Variants in AMN1 observed in about 807,000 individuals in gnomAD.
AMN1 encodes antagonist of mitotic exit network 1 homolog.
AMN1 carries 20 observed loss-of-function variants against 33.0 expected under a neutral mutation model. The observed-to-expected ratio is 0.61, with a 90% CI of 0.43 to 0.88. The LOEUF (loss-of-function observed/expected upper bound fraction) is 0.88, where lower values mean the gene tolerates loss of function less well. Ranked by LOEUF, AMN1 falls within the 40% of genes least tolerant of loss-of-function variation. AMN1 has a pLI of 0.00. For missense variants in AMN1, 246 were observed against 307.4 expected (o/e 0.80, Z 1.49); for synonymous variants, 114 against 111.9 (o/e 1.02, Z -0.12).
At position 31,672,320 on chromosome 12, in the gene AMN1, G is replaced by A; in HGVS notation, c.761C>T (p.Thr254Ile). The change falls in exon 7 of 7, where the codon ACA becomes ATA. Residue 254 changes from threonine (T) to isoleucine (I), a missense_variant. Coordinates refer to ENST00000281471, the MANE Select transcript of AMN1 (RefSeq NM_001113402.2). ...LVGPNKLKQV[T>I]WTVY ...AAAAAAGCATCAATAAACAGTCCAT[G>A]TCACTTGCTTTAGTTTGTTTGGGCC... 1 of 1,576,798 alleles carries A rather than the reference G, an allele frequency of 6.3e-7. No individual in the cohort carries two copies. The highest frequency in any genetic ancestry group is 1.8e-5 in the Admixed American group (1 of 55,424).
Position 31,700,034 on chromosome 12 carries a change from G to A in AMN1, c.316+1829C>T, listed in dbSNP as rs111392786. On this transcript the variant is annotated intron_variant, in intron 3 of 6. Transcript: ENST00000281471. ...TATGTAAACATATTAAAACTTATGC[G>A]TGTTTGCAATATTATGAATATCCTA... Among the ~76,000 whole-genome samples the A allele has an allele frequency of 6.6e-4, 101 of 152,092 alleles. 1 individual carries two copies. The highest frequency in any genetic ancestry group is 2.1e-3 in the African/African-American group (85 of 41,458).
intron 1 of AMN1, among the ~76,000 whole-genome samples, chr12:31,725,674 CTCT>C (rs1476353643): frequency 6.6e-6 from 1 of 152,056 alleles, no homozygotes; most frequent in Admixed American, 6.6e-5. Context: ...TCCTTGATCT[CTCT>C]TCATTTTATT....
chr12:31,675,737 T>C (rs1951375135), intron 6 of AMN1, among the ~76,000 whole-genome samples: 1 of 151,690 alleles, frequency 6.6e-6, no homozygotes, highest in South Asian at 2.1e-4. Context: ...CTCAGCAGTT[T>C]GAGACCTGAT....
intron 1 of AMN1, among the ~76,000 whole-genome samples, chr12:31,718,957 A>C (rs1939781930): frequency 6.6e-6 from 1 of 152,254 alleles, no homozygotes; most frequent in South Asian, 2.1e-4. Flanking sequence ...CTGCTGCGCT[A>C]GCAGCGAGCA....
intron 2 of AMN1, among the ~76,000 whole-genome samples, chr12:31,707,768 G>A (rs1939303891): frequency 6.6e-6 from 1 of 152,168 alleles, no homozygotes; most frequent in South Asian, 2.1e-4. Context: ...CACAAGAGAA[G>A]TAACTGAGAC....
intron 6 of AMN1, among the ~76,000 whole-genome samples, chr12:31,684,720 C>G (rs11051531): frequency 2.0e-5 from 3 of 152,132 alleles, no homozygotes; most frequent in Non-Finnish European, 4.4e-5. Context: ...ATCCACCTGC[C>G]TTGGCCTCGC....
At chr12:31,693,429 T>C (rs1012523406) in intron 5 of AMN1, among the ~76,000 whole-genome samples, 1 of 152,154 alleles carries the variant, frequency 6.6e-6, no homozygotes, top group Non-Finnish European at 1.5e-5. Context: ...TTTCTCCATG[T>C]TGGTCAGGCT....
Position 31,680,858 on chromosome 12 carries a change from G to A in AMN1, c.703+8149C>T, listed in dbSNP as rs372388302. Among the ~76,000 whole-genome samples, 21 of 152,146 alleles carry A rather than the reference G, an allele frequency of 1.4e-4. No homozygotes were observed. In the South Asian group the frequency reaches 4.1e-3, roughly 30 times the overall value. On this transcript the variant is annotated intron_variant, in intron 6 of 6. Transcript: ENST00000281471. ...GAGCAACCATATGAATATATAAGAGGAATCATGTTATATAAGGTGTCACGA... is the reference window on the plus strand; with the variant it reads ...GAGCAACCATATGAATATATAAGAGAAATCATGTTATATAAGGTGTCACGA...
chr12:31,692,836 T>G (rs1938561482), intron 5 of AMN1, among the ~76,000 whole-genome samples: 1 of 152,156 alleles, frequency 6.6e-6, no homozygotes, highest in Admixed American at 6.6e-5. Flanking sequence ...TACAGCAAAT[T>G]AAATTTTAAT....
intron 3 of AMN1, among the ~76,000 whole-genome samples, chr12:31,699,812 T>G (rs1052279244): frequency 6.6e-6 from 1 of 152,132 alleles, no homozygotes; most frequent in Non-Finnish European, 1.5e-5. Flanking sequence ...GACTGAGCCC[T>G]TAACTTGTGG....
chr12:31,710,873 C>T (rs1253394319), intron 1 of AMN1, among the ~76,000 whole-genome samples: 1 of 152,108 alleles, frequency 6.6e-6, no homozygotes, highest in Admixed American at 6.6e-5. Flanking sequence ...CAGAAAGCTC[C>T]TTTCCCTCTA....
chr12:31,680,843 A>G (rs923689049), intron 6 of AMN1, among the ~76,000 whole-genome samples: 2 of 152,214 alleles, frequency 1.3e-5, no homozygotes, highest in African/African-American at 4.8e-5. Context: ...GAGCAACCAT[A>G]TGAATATATA....
At chr12:31,685,231 G>A (rs1466249506) in intron 6 of AMN1, among the ~76,000 whole-genome samples, 1 of 151,890 alleles carries the variant, frequency 6.6e-6, no homozygotes, top group African/African-American at 2.4e-5. Context: ...GTTTCACCAT[G>A]TTGGCCAGGT....
chr12:31,672,430 GTTTCC>G, intron 6 of AMN1, 53 bp from the exon 7 acceptor site: 1 of 1,233,694 alleles, frequency 8.1e-7, no homozygotes, highest in Non-Finnish European at 1.2e-6. Context: ...AATGTTTAAT[GTTTCC>G]TCATGTCTAA....
At chr12:31,672,924 A>C (rs996442254) in intron 6 of AMN1, 7 of 153,502 alleles carry the variant, frequency 4.6e-5, no homozygotes, top group African/African-American at 1.4e-4. Flanking sequence ...TGTCTGTATA[A>C]TACTACTATA....
intron 2 of AMN1, among the ~76,000 whole-genome samples, chr12:31,702,881 C>T (rs1201795439): frequency 6.6e-6 from 1 of 152,154 alleles, no homozygotes; most frequent in Non-Finnish European, 1.5e-5. Context: ...GGATTACAGG[C>T]ATGCACCACC....
chr12:31,684,751 G>A lies in AMN1; in HGVS notation c.703+4256C>T, dbSNP rs780478872. Among the ~76,000 whole-genome samples the A allele has an allele frequency of 2.0e-5, 3 of 152,258 alleles. No individual in the cohort carries two copies. In the South Asian group the frequency reaches 6.2e-4, roughly 32 times the overall value. On this transcript the variant is annotated intron_variant, in intron 6 of 6. Transcript: ENST00000281471. ...CTCGCAAAGTGCTGGGATTACCGGC[G>A]TGAGCCACCGCGCCCGGCCTGGGAT... is the stretch of plus-strand genomic sequence containing the variant.
intron 6 of AMN1, among the ~76,000 whole-genome samples, chr12:31,674,518 T>C (rs548912791): frequency 8.5e-5 from 13 of 152,092 alleles, no homozygotes; most frequent in Non-Finnish European, 1.0e-4. Context: ...TGGGCCTACA[T>C]AGATAATACA....
intron 1 of AMN1, among the ~76,000 whole-genome samples, chr12:31,720,512 C>A (rs964191072): frequency 1.2e-4 from 18 of 151,578 alleles, no homozygotes; most frequent in Non-Finnish European, 2.5e-4. Flanking sequence ...TGCACTCCAG[C>A]CTGGACAACA....
Sources: gnomAD v4.1 joint callset for allele counts (sites outside exome capture counted in the v4.1 genomes callset) on GRCh38, gnomAD v4.1.1 for gene constraint, MANE v1.5 for transcripts, NCBI Gene and HGNC (gene_info 2026-07-23, HGNC 2026-07-21) for gene names.